Variants in SP7 observed in about 807,000 individuals in gnomAD.
SP7 encodes transcription factor Sp7.
A neutral mutation model predicts 27.9 loss-of-function variants in SP7; 13 were observed. The observed-to-expected ratio is 0.47, with a 90% CI of 0.30 to 0.74. The LOEUF (loss-of-function observed/expected upper bound fraction) is 0.74, where lower values mean the gene tolerates loss of function less well. Among genes scored for constraint, SP7 ranks in the 30% least tolerant of loss-of-function variants. The pLI, the probability that SP7 is intolerant of heterozygous loss-of-function variation, is 0.06. For missense variants in SP7, 525 were observed against 558.0 expected (o/e 0.94, Z 0.60); for synonymous variants, 219 against 226.7 (o/e 0.97, Z 0.31).
chr12:53,342,624 G>A (rs1229959462), intron 1 of SP7, among the ~76,000 whole-genome samples: 2 of 152,048 alleles, frequency 1.3e-5, no homozygotes, highest in Non-Finnish European at 2.9e-5. Flanking sequence ...GACTAGCCTG[G>A]CCAAGATGGT....
rs916405608 is a variant in SP7, at chr12:53,326,796, C to A, written c.*1350G>T. 6.6e-6 allele frequency: 1 copy of A among 152,464 alleles called. No homozygotes were observed. The highest frequency in any genetic ancestry group is 2.4e-5 in the African/African-American group (1 of 41,420). The allele number at this position is 152,464 out of a possible 1,614,324, so 9.4% of individuals were successfully genotyped here. On this transcript the variant is annotated 3_prime_UTR_variant, in exon 3 of 3. Transcript: ENST00000536324. ...AGGTGGAGATGGGAGCATCCAAAGTCCCAGGGTGGGGGTGCGTGGATGCAC... is the reference window on the plus strand; with the variant it reads ...AGGTGGAGATGGGAGCATCCAAAGTACCAGGGTGGGGGTGCGTGGATGCAC...
chr12:53,343,337 A>G (rs943937149), intron 1 of SP7, among the ~76,000 whole-genome samples: 1 of 152,196 alleles, frequency 6.6e-6, no homozygotes, highest in Non-Finnish European at 1.5e-5. Context: ...CTAATCAGCT[A>G]TGCAAGGGGC....
chr12:53,331,470 C>CAAAAAAAA (rs367626786), intron 2 of SP7, among the ~76,000 whole-genome samples: 1 of 105,356 alleles, frequency 9.5e-6, no homozygotes, highest in Non-Finnish European at 1.8e-5. Context: ...GACTCCATCT[C>CAAAAAAAA]AAAAAAAAAA....
At chr12:53,339,211 G>A (rs1452225975), upstream of SP7, among the ~76,000 whole-genome samples, 2 of 152,196 alleles carry the variant, frequency 1.3e-5, no homozygotes, top group South Asian at 2.1e-4. Context: ...TGAGCTCCAA[G>A]GGATGGATGC....
At chr12:53,338,345 T>C (rs1006793599), upstream of SP7, among the ~76,000 whole-genome samples, 1 of 151,732 alleles carries the variant, frequency 6.6e-6, no homozygotes, top group African/African-American at 2.4e-5. Context: ...AACTCAGAAG[T>C]TGAGAAAGAG....
Position 53,328,641 on chromosome 12 carries a change from G to A in SP7, c.801C>T (p.Arg267=), listed in dbSNP as rs1565789879. The part of the protein sequence containing the change: ...SGGYGGSGAG[R]SSCDCPNCQE... The stretch of plus-strand genomic sequence containing the variant: ...GGCAATTAGGGCAGTCGCAGGAGGA[G>A]CGCCCTGCCCCACTGCCCCCATATC... Residue 267 remains arginine, a synonymous_variant, in exon 3 of 3, where the codon CGC becomes CGT. Coordinates refer to ENST00000536324, the MANE Select transcript of SP7 (RefSeq NM_001173467.3). This position sits in a 1 kb window ranked among gnomAD's most constrained non-coding sequence, Gnocchi z 5.1. 6.2e-7 allele frequency: 1 copy of A among 1,610,086 alleles called. No individual in the cohort carries two copies. Among genetic ancestry groups the A allele is most frequent in the African/African-American group, 1.3e-5 (1 of 74,982 alleles).
At chr12:53,342,029 G>C (rs1378447517) in intron 1 of SP7, among the ~76,000 whole-genome samples, 2 of 150,422 alleles carry the variant, frequency 1.3e-5, no homozygotes, top group Admixed American at 1.3e-4. Context: ...CTGCACCCCA[G>C]CCTGGGCGAC....
At chr12:53,335,584 A>G (rs1432051060) in intron 2 of SP7, 42 bp downstream of exon 2, 1 of 1,004,322 alleles carries the variant, frequency 1.0e-6, no homozygotes, top group Admixed American at 2.0e-5. Context: ...TAGGACCATT[A>G]AGGTTGTGGC....
upstream of SP7, among the ~76,000 whole-genome samples, chr12:53,339,452 G>A (rs1159317470): frequency 6.8e-6 from 1 of 147,726 alleles, no homozygotes; most frequent in Non-Finnish European, 1.5e-5. Context: ...GGGGCCGGGT[G>A]CAGTGGCTCA....
intron 2 of SP7, among the ~76,000 whole-genome samples, chr12:53,333,053 C>T (rs1944724475): frequency 6.6e-6 from 1 of 152,162 alleles, no homozygotes; most frequent in African/African-American, 2.4e-5. Flanking sequence ...GAGACCCCAG[C>T]CCTGGGGAGT....
In SP7 at chr12:53,328,126, TG is replaced by T. The variant is rs1944653051; in HGVS notation, c.*19del. 1 of 1,581,422 alleles carries T rather than the reference TG, an allele frequency of 6.3e-7. No individual in the cohort carries two copies. The highest frequency in any genetic ancestry group is 1.2e-5 in the South Asian group (1 of 86,428). ...AGAGACTGTCAGGGCAGCCCTGGGG[TG>T]GGAGACCTTCCACCCGGCTCAGATC... On this transcript the variant is annotated 3_prime_UTR_variant, in exon 3 of 3. Transcript: ENST00000536324. This position sits in a 1 kb window ranked among gnomAD's most constrained non-coding sequence, Gnocchi z 5.1.
At position 53,329,199 on chromosome 12, in the gene SP7, A is replaced by G; in HGVS notation, c.243T>C (p.Pro81=). 6.2e-7 allele frequency: 1 copy of G among 1,613,828 alleles called. No individual in the cohort carries two copies. Among genetic ancestry groups the G allele is most frequent in the African/African-American group, 1.3e-5 (1 of 75,038 alleles). ...TNGLLSPAGS[P]PAPTSGYAND... ...TAGCATAGCCTGAGGTGGGTGCTGG[A>G]GGACTGCCTGCAGGTGAAAGGAGCC... is the stretch of plus-strand genomic sequence containing the variant. Residue 81 remains proline, a synonymous_variant, in exon 3 of 3, where the codon CCT becomes CCC. Coordinates refer to ENST00000536324, the MANE Select transcript of SP7 (RefSeq NM_001173467.3).
chr12:53,333,727 G>GCTTCCGTCTCTGAACCCCACGTT (rs1944733108), intron 2 of SP7, among the ~76,000 whole-genome samples: 1 of 150,986 alleles, frequency 6.6e-6, no homozygotes, highest in Non-Finnish European at 1.5e-5. Flanking sequence ...AGCAGCAGCT[G>GCTTCCGTCTCTGAACCCCACGTT]CTTCCCACTG....
upstream of SP7, among the ~76,000 whole-genome samples, chr12:53,336,645 A>G (rs1233037045): frequency 6.6e-6 from 1 of 151,154 alleles, no homozygotes; most frequent in East Asian, 1.9e-4. Context: ...CACGCACCAC[A>G]CCCGCCCCAG....
chr12:53,334,397 C>A (rs1197584869), intron 2 of SP7, among the ~76,000 whole-genome samples: 1 of 151,848 alleles, frequency 6.6e-6, no homozygotes, highest in African/African-American at 2.4e-5. Flanking sequence ...GTGGCACCCT[C>A]GACTGCACCC....
chr12:53,334,154 G>T (rs1201847083), intron 2 of SP7, among the ~76,000 whole-genome samples: 3 of 152,128 alleles, frequency 2.0e-5, no homozygotes, highest in African/African-American at 7.2e-5. Flanking sequence ...ATGACAGTCT[G>T]CTCCCATTGC....
intron 2 of SP7, among the ~76,000 whole-genome samples, chr12:53,331,519 C>T (rs1944705758): frequency 1.3e-5 from 2 of 151,134 alleles, no homozygotes; most frequent in South Asian, 4.2e-4. Flanking sequence ...TAATGCCCAC[C>T]ATGCTGCTGC....
rs1270166970 is a variant in SP7 at position 53,326,577 on chromosome 12, T to C, written c.*1569A>G. On this transcript the variant is annotated 3_prime_UTR_variant, in exon 3 of 3. Transcript: ENST00000536324. Reference sequence around the variant, plus strand: ...CTCCTTTTCTCACCAGGACAAAATTTCAAATCCAACTTTTATTTATTAAAT... The same window carrying C: ...CTCCTTTTCTCACCAGGACAAAATTCCAAATCCAACTTTTATTTATTAAAT... 1 of 151,966 alleles carries C rather than the reference T, an allele frequency of 6.6e-6. No individual in the cohort carries two copies. Among genetic ancestry groups the C allele is most frequent in the Non-Finnish European group, 1.5e-5 (1 of 67,996 alleles). The allele number at this position is 151,966 out of a possible 1,614,324, so 9.4% of individuals were successfully genotyped here. A position where few individuals can be genotyped will look rare whatever the true frequency, so the allele number is the denominator to read the frequency against.
upstream of SP7, among the ~76,000 whole-genome samples, chr12:53,338,661 T>C (rs909455177): frequency 5.9e-5 from 9 of 152,012 alleles, no homozygotes; most frequent in African/African-American, 2.2e-4. Context: ...ATTCAAACCC[T>C]ACTATTCTCT....
Sources: gnomAD v4.1 joint callset for allele counts (sites outside exome capture counted in the v4.1 genomes callset) on GRCh38, gnomAD v4.1.1 for gene constraint, Gnocchi (gnomAD v3.1) non-coding constraint, MANE v1.5 for transcripts, NCBI Gene and HGNC (gene_info 2026-07-23, HGNC 2026-07-21) for gene names.